SORL1: variants seen among roughly 807,000 people sequenced by gnomAD.
The protein encoded by SORL1 is sortilin related receptor 1, also known as sortilin-related receptor.
SORL1 carries 127 observed loss-of-function variants against 273.7 expected under a neutral mutation model. The ratio of observed to expected loss-of-function variants is 0.46; its 90% CI spans 0.40 to 0.54. The LOEUF is 0.54. Ranked by LOEUF, SORL1 falls within the 20% of genes least tolerant of loss-of-function variation. The pLI is 0.00. For missense variants in SORL1, 2,494 were observed against 2,846.1 expected (o/e 0.88, Z 2.81); for synonymous variants, 1,031 against 1,067.4 (o/e 0.97, Z 0.66).
At position 121,574,579 on chromosome 11, in the gene SORL1, G is replaced by A. The variant is rs183749163; in HGVS notation, c.3460+216G>A. The stretch of plus-strand genomic sequence containing the variant: ...GCTGCTTTTCACGAGGATTCAGTTC[G>A]CTGGAGACACTTGCGAACTGGGACC... On this transcript the variant is annotated intron_variant, in intron 24 of 47. Transcript: ENST00000260197. Among the ~76,000 whole-genome samples the A allele has an allele frequency of 3.3e-5, 5 of 152,124 alleles. No individual in the cohort carries two copies. The East Asian group carries it at 9.7e-4, about 29-fold the overall frequency.
At position 121,580,992 on chromosome 11, in the gene SORL1, A is replaced by G. The variant is rs79829457; in HGVS notation, c.3581-2466A>G. On this transcript the variant is annotated intron_variant, in intron 25 of 47. Coordinates refer to ENST00000260197, the MANE Select transcript of SORL1 (RefSeq NM_003105.6). ...CAGTGGTGCGATCTTGGCTTACTGCATCCTCTGTCTCCCAGGTTCAAGCAA... is the reference window on the plus strand; with the variant it reads ...CAGTGGTGCGATCTTGGCTTACTGCGTCCTCTGTCTCCCAGGTTCAAGCAA... Among the ~76,000 whole-genome samples, 1,991 of 148,972 alleles carry G rather than the reference A, an allele frequency of 0.013. 131 individuals carry two copies. The East Asian group carries it at 0.21, about 16-fold the overall frequency.
At chr11:121,612,349 C>G (rs1049950562) in intron 39 of SORL1, 4 of 165,790 alleles carry the variant, frequency 2.4e-5, no homozygotes, top group Admixed American at 1.9e-4. Context: ...ATCTAACCAG[C>G]CTGTTTTGTA....
At chr11:121,578,535 A>C (rs915047965) in intron 25 of SORL1, among the ~76,000 whole-genome samples, 1 of 152,216 alleles carries the variant, frequency 6.6e-6, no homozygotes, top group Non-Finnish European at 1.5e-5. Context: ...GCTCTGGCTT[A>C]GACTTGCTTC....
chr11:121,597,283 G>C (rs895162233), intron 32 of SORL1, among the ~76,000 whole-genome samples: 1 of 152,222 alleles, frequency 6.6e-6, no homozygotes, highest in Admixed American at 6.5e-5. Flanking sequence ...GCTTGGTTAA[G>C]AGGAAGGAGT....
At chr11:121,588,696 G>T (rs1468030599) in intron 28 of SORL1, among the ~76,000 whole-genome samples, 1 of 152,144 alleles carries the variant, frequency 6.6e-6, no homozygotes, top group Non-Finnish European at 1.5e-5. Flanking sequence ...GAGTACCACA[G>T]ACCAGATGGC....
At chr11:121,628,051 A>G (rs983291859) in intron 47 of SORL1, among the ~76,000 whole-genome samples, 1 of 152,194 alleles carries the variant, frequency 6.6e-6, no homozygotes, top group Non-Finnish European at 1.5e-5. Flanking sequence ...GAAAATCCTC[A>G]AGAATATCTG....
At chr11:121,522,814 A>T (rs938657323) in intron 10 of SORL1, 102 bp from the exon 11 acceptor site, 4 of 1,369,572 alleles carry the variant, frequency 2.9e-6, no homozygotes, top group Non-Finnish European at 4.2e-6. Context: ...GTGGTTTGAA[A>T]GCATTCTTAG....
chr11:121,575,096 A>C (rs1862907645), intron 24 of SORL1, among the ~76,000 whole-genome samples: 1 of 152,208 alleles, frequency 6.6e-6, no homozygotes. Flanking sequence ...GGAATGATAG[A>C]GATTCTCTGG....
At chr11:121,532,641 C>G in intron 12 of SORL1, 89 bp downstream of exon 12, 1 of 1,060,790 alleles carries the variant, frequency 9.4e-7, no homozygotes, top group South Asian at 1.4e-5. Flanking sequence ...CTCTATAGCA[C>G]TATGTTGTTG....
rs761880636 is a variant in SORL1 at position 121,567,046 on chromosome 11, A to G, written c.3156A>G (p.Pro1052=). The G allele has an allele frequency of 3.1e-6, 5 of 1,614,092 alleles. No homozygotes were observed. In the Admixed American group the frequency reaches 5.0e-5, roughly 16 times the overall value. The change falls in exon 22 of 48, where the codon CCA becomes CCG. Residue 1052 remains proline (P), a synonymous_variant. Coordinates refer to ENST00000260197, the MANE Select transcript of SORL1 (RefSeq NM_003105.6). ...CPEDVSSSVL[P]SGDLMCDCPQ... ...AGGATGTGTCCAGCAGTGTGCTTCCATCAGGGGACCTGATGTGTGACTGCC... is the reference window on the plus strand; with the variant it reads ...AGGATGTGTCCAGCAGTGTGCTTCCGTCAGGGGACCTGATGTGTGACTGCC...
At chr11:121,455,948 G>A (rs1860895829) in intron 1 of SORL1, among the ~76,000 whole-genome samples, 1 of 150,842 alleles carries the variant, frequency 6.6e-6, no homozygotes, top group African/African-American at 2.4e-5. Context: ...AGCCGAGATC[G>A]CGCCATTGCA....
At chr11:121,512,317 G>A (rs1861892028) in intron 6 of SORL1, among the ~76,000 whole-genome samples, 1 of 152,172 alleles carries the variant, frequency 6.6e-6, no homozygotes, top group Non-Finnish European at 1.5e-5. Flanking sequence ...AGTTGGTAGA[G>A]CTAGCTCTTA....
intron 25 of SORL1, among the ~76,000 whole-genome samples, chr11:121,579,790 C>A (rs933101163): frequency 2.6e-5 from 4 of 152,234 alleles, no homozygotes; most frequent in African/African-American, 9.6e-5. Flanking sequence ...GTATTACCAA[C>A]TACCTCTGTG....
intron 12 of SORL1, among the ~76,000 whole-genome samples, chr11:121,536,591 G>A (rs1002040665): frequency 2.0e-5 from 3 of 147,686 alleles, no homozygotes; most frequent in African/African-American, 7.5e-5. Flanking sequence ...TTTTTTTTTG[G>A]TAGAGACAGG....
At chr11:121,578,431 G>A (rs1862968583) in intron 25 of SORL1, among the ~76,000 whole-genome samples, 1 of 152,200 alleles carries the variant, frequency 6.6e-6, no homozygotes, top group African/African-American at 2.4e-5. Flanking sequence ...CCGGCATCTG[G>A]CGGCTCAAAG....
At chr11:121,581,515 G>A (rs1863015199) in intron 25 of SORL1, among the ~76,000 whole-genome samples, 1 of 151,880 alleles carries the variant, frequency 6.6e-6, no homozygotes, top group South Asian at 2.1e-4. Context: ...CTTCAGTCTG[G>A]ATTAAAGTCC....
chr11:121,488,638 C>T (rs910499526), intron 4 of SORL1, among the ~76,000 whole-genome samples: 1 of 152,144 alleles, frequency 6.6e-6, no homozygotes, highest in Non-Finnish European at 1.5e-5. Context: ...TTACCACTAA[C>T]AGTAATAGTC....
intron 19 of SORL1, 51 bp downstream of exon 19, chr11:121,557,456 T>C (rs372749120): frequency 2.3e-5 from 30 of 1,296,340 alleles, no homozygotes; most frequent in African/African-American, 8.7e-5. Flanking sequence ...GCTACACTAA[T>C]AGATTCTCAT....
intron 14 of SORL1, among the ~76,000 whole-genome samples, chr11:121,548,368 T>C (rs1249529422): frequency 6.6e-6 from 1 of 152,154 alleles, no homozygotes; most frequent in African/African-American, 2.4e-5. Flanking sequence ...CCTAAAAAGA[T>C]TTAAAGTGGC....
Sources: gnomAD v4.1 joint callset for allele counts (sites outside exome capture counted in the v4.1 genomes callset) on GRCh38, gnomAD v4.1.1 for gene constraint, MANE v1.5 for transcripts, NCBI Gene and HGNC (gene_info 2026-07-23, HGNC 2026-07-21) for gene names.